PRKCE: variants seen among roughly 807,000 people sequenced by gnomAD.
The protein encoded by PRKCE is protein kinase C epsilon type.
In PRKCE, 16 loss-of-function variants were observed where a neutral mutation model predicts 85.4. The observed-to-expected ratio is 0.19, with a 90% confidence interval of 0.13 to 0.28. The LOEUF (loss-of-function observed/expected upper bound fraction) is 0.28, where lower values mean the gene tolerates loss of function less well. Among genes scored for constraint, PRKCE ranks in the 10% least tolerant of loss-of-function variants. PRKCE has a pLI of 1.00. For missense variants in PRKCE, 573 were observed against 975.2 expected (o/e 0.59, Z 5.49); for synonymous variants, 388 against 371.5 (o/e 1.04, Z -0.51).
At chr2:45,982,397 T>C (rs995743299) in intron 5 of PRKCE, among the ~76,000 whole-genome samples, 6 of 152,230 alleles carry the variant, frequency 3.9e-5, no homozygotes, top group African/African-American at 1.4e-4. Flanking sequence ...AAAGGTGCTC[T>C]GGTGATGGAC....
rs906258705 is a variant in PRKCE at position 45,726,405 on chromosome 2, A to G, written c.348+73957A>G. 2.2e-4 allele frequency among the ~76,000 whole-genome samples: 33 copies of G among 152,158 alleles called. 1 individual carries two copies. The highest frequency in any genetic ancestry group is 7.4e-5 in the Non-Finnish European group (5 of 68,024). On this transcript the variant is annotated intron_variant, in intron 1 of 14. Coordinates refer to ENST00000306156, the MANE Select transcript of PRKCE (RefSeq NM_005400.3). ...ACAGCCACCCTGACCTTCAGCAATC[A>G]CTACCCTGATCAGTCAGCAGCTGTC... is the stretch of plus-strand genomic sequence containing the variant.
intron 1 of PRKCE, among the ~76,000 whole-genome samples, chr2:45,691,449 A>G (rs796262923): frequency 9.2e-5 from 14 of 152,132 alleles, no homozygotes; most frequent in African/African-American, 3.4e-4. Context: ...GTTTTTCTGG[A>G]ATGCCTTCAA....
chr2:45,925,295 T>A (rs920186494), intron 2 of PRKCE, among the ~76,000 whole-genome samples: 2 of 145,172 alleles, frequency 1.4e-5, no homozygotes, highest in African/African-American at 2.6e-5. Context: ...ATGCTGTATT[T>A]TTTATTTATT....
In PRKCE at chr2:45,790,366, C is replaced by G. The variant is rs368200203; in HGVS notation, c.349-52634C>G. On this transcript the variant is annotated intron_variant, in intron 1 of 14. Coordinates refer to ENST00000306156, the MANE Select transcript of PRKCE (RefSeq NM_005400.3). Reference sequence around the variant, plus strand: ...AGCACGTGGGAAAACTTGCAGGATGCGCTGAGAAAAACACACACGTGTGTT... The same window carrying G: ...AGCACGTGGGAAAACTTGCAGGATGGGCTGAGAAAAACACACACGTGTGTT... 2.6e-5 allele frequency among the ~76,000 whole-genome samples: 4 copies of G among 152,286 alleles called. No homozygotes were observed. The East Asian group carries it at 7.7e-4, about 29-fold the overall frequency.
intron 1 of PRKCE, among the ~76,000 whole-genome samples, chr2:45,695,153 A>C (rs1242820925): frequency 6.6e-6 from 1 of 152,194 alleles, no homozygotes; most frequent in African/African-American, 2.4e-5. Flanking sequence ...AGGTTATTGT[A>C]AAGTTTGAGG....
chr2:45,762,619 T>A (rs749800204), intron 1 of PRKCE, among the ~76,000 whole-genome samples: 1 of 152,220 alleles, frequency 6.6e-6, no homozygotes, highest in Non-Finnish European at 1.5e-5. Flanking sequence ...ATCTAAAAGA[T>A]ACATGGAGAG....
intron 11 of PRKCE, among the ~76,000 whole-genome samples, chr2:46,123,426 C>G (rs751842504): frequency 6.6e-6 from 1 of 151,850 alleles, no homozygotes; most frequent in African/African-American, 2.4e-5. Flanking sequence ...GATGATTTGT[C>G]GTGTTTACTC....
intron 10 of PRKCE, among the ~76,000 whole-genome samples, chr2:46,040,232 A>G (rs1276654213): frequency 1.3e-5 from 2 of 152,196 alleles, no homozygotes; most frequent in African/African-American, 4.8e-5. Flanking sequence ...AAGGATGAGT[A>G]GGATTTTAGC....
intron 1 of PRKCE, among the ~76,000 whole-genome samples, chr2:45,782,539 G>A (rs1686273033): frequency 6.6e-6 from 1 of 152,132 alleles, no homozygotes; most frequent in Non-Finnish European, 1.5e-5. Context: ...CCTGTGGGAA[G>A]GCAGAGTTGA....
intron 2 of PRKCE, among the ~76,000 whole-genome samples, chr2:45,950,116 C>G (rs758385747): frequency 1.3e-5 from 2 of 152,178 alleles, no homozygotes; most frequent in Non-Finnish European, 2.9e-5. Flanking sequence ...AAGCAGAACA[C>G]TTGCCTAAAA....
At chr2:45,739,393 G>C (rs568463463) in intron 1 of PRKCE, among the ~76,000 whole-genome samples, 7 of 152,172 alleles carry the variant, frequency 4.6e-5, no homozygotes, top group South Asian at 2.1e-4. Context: ...AGGGGCAGCT[G>C]TTGACTCAGT....
At chr2:46,024,306 A>G (rs1248892428) in intron 10 of PRKCE, among the ~76,000 whole-genome samples, 2 of 139,366 alleles carry the variant, frequency 1.4e-5, no homozygotes, top group Non-Finnish European at 1.6e-5. Context: ...TTATGAGGAC[A>G]TTTTTTTTTT....
At chr2:45,951,636 G>C (rs192073969) in intron 2 of PRKCE, among the ~76,000 whole-genome samples, 1 of 152,234 alleles carries the variant, frequency 6.6e-6, no homozygotes, top group South Asian at 2.1e-4. Flanking sequence ...GGCCCCAGCT[G>C]AGCCAATGCA....
intron 1 of PRKCE, among the ~76,000 whole-genome samples, chr2:45,817,110 T>TGTGTGTGTGG (rs35748796): frequency 7.8e-6 from 1 of 127,704 alleles, no homozygotes; most frequent in African/African-American, 3.0e-5. Flanking sequence ...TGTGTGTGTG[T>TGTGTGTGTGG]TGTGGGTAGG....
chr2:45,866,857 G>A (rs1004450184), intron 2 of PRKCE, among the ~76,000 whole-genome samples: 3 of 152,232 alleles, frequency 2.0e-5, no homozygotes, highest in African/African-American at 4.8e-5. Context: ...GGCCAGCACT[G>A]GCACATGAAA....
chr2:45,862,237 A>G (rs1003309734), intron 2 of PRKCE, among the ~76,000 whole-genome samples: 1 of 149,230 alleles, frequency 6.7e-6, no homozygotes, highest in Non-Finnish European at 1.5e-5. Flanking sequence ...CAGTATTTCA[A>G]ATCTGTTACT....
At position 45,730,801 on chromosome 2, in the gene PRKCE, C is replaced by T. The variant is rs191519426; in HGVS notation, c.348+78353C>T. On this transcript the variant is annotated intron_variant, in intron 1 of 14. Coordinates refer to ENST00000306156, the MANE Select transcript of PRKCE (RefSeq NM_005400.3). The stretch of plus-strand genomic sequence containing the variant: ...TTTTCAAGAGCTACCAGTTTCTTTT[C>T]TGTCTCTGAAGAGACACTTCTCCCA... 2.0e-5 allele frequency among the ~76,000 whole-genome samples: 3 copies of T among 152,290 alleles called. No homozygotes were observed. In the East Asian group the frequency reaches 5.8e-4, roughly 29 times the overall value.
intron 11 of PRKCE, among the ~76,000 whole-genome samples, chr2:46,111,820 T>C (rs1672282445): frequency 6.6e-6 from 1 of 152,226 alleles, no homozygotes; most frequent in Non-Finnish European, 1.5e-5. Flanking sequence ...TTCTCTTGGG[T>C]ATATACCTAG....
chr2:45,869,112 T>C (rs1693871045), intron 2 of PRKCE, among the ~76,000 whole-genome samples: 1 of 152,204 alleles, frequency 6.6e-6, no homozygotes, highest in Non-Finnish European at 1.5e-5. Flanking sequence ...TTGTGATAGG[T>C]GATCTACTTT....
Sources: gnomAD v4.1 joint callset for allele counts (sites outside exome capture counted in the v4.1 genomes callset) on GRCh38, gnomAD v4.1.1 for gene constraint, MANE v1.5 for transcripts, NCBI Gene and HGNC (gene_info 2026-07-23, HGNC 2026-07-21) for gene names.